The following RGS6 variants were observed in gnomAD, a reference collection of about 807,000 sequenced individuals.
The protein encoded by RGS6 is regulator of G protein signaling 6.
Under a neutral mutation model 78.5 loss-of-function variants are expected in RGS6, and 30 were observed. The observed-to-expected ratio is 0.38, with a 90% CI of 0.29 to 0.52. The LOEUF (loss-of-function observed/expected upper bound fraction) is 0.52, where lower values mean the gene tolerates loss of function less well. RGS6 is among the 20% of genes least tolerant of loss of function. RGS6 has a pLI of 0.85. For missense variants in RGS6, 495 were observed against 609.7 expected (o/e 0.81, Z 1.98); for synonymous variants, 206 against 206.0 (o/e 1.00, Z 0.00).
intron 1 of RGS6, among the ~76,000 whole-genome samples, chr14:71,936,639 A>G (rs1015300225): frequency 2.0e-5 from 3 of 152,264 alleles, no homozygotes; most frequent in African/African-American, 4.8e-5. Flanking sequence ...TTGTACAACC[A>G]GAAATGCACC....
chr14:72,587,233 A>G, the RGS6 span, among the ~76,000 whole-genome samples: 1 of 151,600 alleles, frequency 6.6e-6, no homozygotes, highest in Admixed American at 6.5e-5. Context: ...ACTGAAAACC[A>G]CATCCATTTC....
At chr14:71,953,969 G>GTTTTTT (rs3053026) in intron 1 of RGS6, among the ~76,000 whole-genome samples, 4,807 of 75,510 alleles carry the variant, frequency 0.064, 530 homozygotes, top group African/African-American at 0.16. Context: ...CTAAGTGGGC[G>GTTTTTT]TTTTTTTTTT....
the RGS6 span, among the ~76,000 whole-genome samples, chr14:72,607,956 T>G: frequency 5.9e-5 from 9 of 152,220 alleles, no homozygotes; most frequent in African/African-American, 2.2e-4. Flanking sequence ...TAAAGAACAG[T>G]GCAGCACTCA....
intron 2 of RGS6, among the ~76,000 whole-genome samples, chr14:72,316,274 A>T (rs1251012643): frequency 6.6e-6 from 1 of 152,136 alleles, no homozygotes; most frequent in Non-Finnish European, 1.5e-5. Context: ...TCTAGGGTAC[A>T]TGTGCACAAT....
the RGS6 span, among the ~76,000 whole-genome samples, chr14:71,904,101 A>C: frequency 6.6e-6 from 1 of 152,252 alleles, no homozygotes; most frequent in Admixed American, 6.5e-5. Context: ...AATAATTGTC[A>C]GCCATCGTAG....
intron 2 of RGS6, among the ~76,000 whole-genome samples, chr14:72,091,726 C>G (rs1056252807): frequency 5.3e-5 from 8 of 152,212 alleles, no homozygotes; most frequent in African/African-American, 1.9e-4. Context: ...TGGAAGGGGC[C>G]AAGCCGGTTC....
At chr14:72,441,136 T>A (rs745440497) in intron 3 of RGS6, among the ~76,000 whole-genome samples, 4 of 152,126 alleles carry the variant, frequency 2.6e-5, no homozygotes, top group Non-Finnish European at 5.9e-5. Context: ...TGCACTGATA[T>A]TGAGGGGTAG....
In RGS6 at chr14:72,147,927, T is replaced by C. The variant is rs189679109; in HGVS notation, c.84+183052T>C. ...CGGGCAGATCACGAAGTCAGGAGATTGAGACCATCCTGGCTAACATGGTGA... is the reference window on the plus strand; with the variant it reads ...CGGGCAGATCACGAAGTCAGGAGATCGAGACCATCCTGGCTAACATGGTGA... On this transcript the variant is annotated intron_variant, in intron 2 of 17. Transcript: ENST00000553525. Among the ~76,000 whole-genome samples, 117 of 152,072 alleles carry C rather than the reference T, an allele frequency of 7.7e-4. 1 individual carries two copies. Among genetic ancestry groups the C allele is most frequent in the Middle Eastern group, 3.4e-3 (1 of 294 alleles).
chr14:71,874,957 G>A, the RGS6 span, among the ~76,000 whole-genome samples: 11,516 of 152,152 alleles, frequency 0.076, 908 homozygotes, highest in East Asian at 0.21. Flanking sequence ...ACTGATTTGC[G>A]TATGTTGAAC....
chr14:72,402,814 T>TTTTTTTTTA (rs2092580416), intron 3 of RGS6, among the ~76,000 whole-genome samples: 1 of 136,658 alleles, frequency 7.3e-6, no homozygotes, highest in African/African-American at 2.7e-5. Flanking sequence ...TTTTTTTTTT[T>TTTTTTTTTA]GAGAAGGAGT....
At chr14:72,240,645 A>G (rs888061696) in intron 2 of RGS6, among the ~76,000 whole-genome samples, 1 of 152,190 alleles carries the variant, frequency 6.6e-6, no homozygotes, top group African/African-American at 2.4e-5. Flanking sequence ...TTAGAGATAA[A>G]TAAACACTTA....
chr14:72,261,499 A>G (rs1594946083), intron 2 of RGS6, among the ~76,000 whole-genome samples: 2 of 152,182 alleles, frequency 1.3e-5, no homozygotes, highest in South Asian at 4.1e-4. Context: ...GGCTATTATA[A>G]GTGAAAGTGA....
chr14:72,242,847 T>C (rs866096971), intron 2 of RGS6, among the ~76,000 whole-genome samples: 50 of 130,028 alleles, frequency 3.8e-4, no homozygotes, highest in Admixed American at 5.4e-4. Flanking sequence ...TTCTTTTTTT[T>C]TTTTTTTTTT....
rs750634949 is a variant in RGS6, at chr14:72,562,736, G to C, written c.*269G>C. On this transcript the variant is annotated 3_prime_UTR_variant, in exon 18 of 18. Transcript: ENST00000553525. ...ACAGTTGTATTCCAACACTCCACTCGCTAAGAGGCCCTGATCCCAGCTCAT... is the reference window on the plus strand; with the variant it reads ...ACAGTTGTATTCCAACACTCCACTCCCTAAGAGGCCCTGATCCCAGCTCAT... 1 of 1,536,142 alleles carries C rather than the reference G, an allele frequency of 6.5e-7. No individual in the cohort carries two copies.
intron 3 of RGS6, among the ~76,000 whole-genome samples, chr14:72,417,965 T>C (rs2093943121): frequency 6.6e-6 from 1 of 152,132 alleles, no homozygotes. Flanking sequence ...TAGCATAGCT[T>C]GGGGGCGATC....
At chr14:72,086,358 G>C (rs1282362986) in intron 2 of RGS6, among the ~76,000 whole-genome samples, 1 of 152,200 alleles carries the variant, frequency 6.6e-6, no homozygotes, top group Non-Finnish European at 1.5e-5. Context: ...CACCCTGGTT[G>C]TTGGTGTTTT....
the RGS6 span, among the ~76,000 whole-genome samples, chr14:71,895,367 A>G: frequency 6.6e-6 from 1 of 151,664 alleles, no homozygotes; most frequent in African/African-American, 2.4e-5. Context: ...TTTTATTTTT[A>G]GTAGAGACAG....
Position 72,051,851 on chromosome 14 carries a change from C to A in RGS6, c.84+86976C>A, listed in dbSNP as rs1009671202. 3.9e-5 allele frequency among the ~76,000 whole-genome samples: 6 copies of A among 152,136 alleles called. No homozygotes were observed. In the East Asian group the frequency reaches 9.6e-4, roughly 24 times the overall value. On this transcript the variant is annotated intron_variant, in intron 2 of 17. Transcript: ENST00000553525. ...ATTTTCCCAACATAGTAAAACAGAG[C>A]GACCTGACCAAAAAATGAAAAACAT...
At chr14:71,977,790 T>C (rs1223654558) in intron 2 of RGS6, among the ~76,000 whole-genome samples, 3 of 152,060 alleles carry the variant, frequency 2.0e-5, no homozygotes, top group Non-Finnish European at 2.9e-5. Context: ...TTTTTTCCAA[T>C]TCTGTGAAGA....
Sources: gnomAD v4.1 joint callset for allele counts (sites outside exome capture counted in the v4.1 genomes callset) on GRCh38, gnomAD v4.1.1 for gene constraint, MANE v1.5 for transcripts, NCBI Gene and HGNC (gene_info 2026-07-23, HGNC 2026-07-21) for gene names.